The following TEF variants were observed in gnomAD, a reference collection of about 807,000 sequenced individuals.
TEF encodes the protein TEF transcription factor, PAR bZIP family member, also known as thyrotroph embryonic factor.
A neutral mutation model predicts 20.8 loss-of-function variants in TEF; 3 were observed. The observed-to-expected ratio is 0.14, with a 90% confidence interval of 0.07 to 0.37. TEF has a LOEUF of 0.37. Ranked by LOEUF, TEF falls within the 10% of genes least tolerant of loss-of-function variation. TEF has a pLI of 1.00. For missense variants in TEF, 296 were observed against 397.9 expected, an observed-to-expected ratio of 0.74 and a Z score of 2.18; for synonymous variants, 180 against 171.1, an observed-to-expected ratio of 1.05 and a Z score of -0.41.
At chr22:41,387,294 TC>T (rs1198835770) in intron 1 of TEF, 56 bp from the exon 2 acceptor site, 3 of 1,585,046 alleles carry the variant, frequency 1.9e-6, no homozygotes, top group Non-Finnish European at 2.6e-6. Context: ...ACTGCCCACT[TC>T]CTGGGATTGA....
At chr22:41,387,237 G>T in intron 1 of TEF, 114 bp from the exon 2 acceptor site, 1 of 1,136,558 alleles carries the variant, frequency 8.8e-7, no homozygotes, top group Non-Finnish European at 1.3e-6. Flanking sequence ...GAAATGCATG[G>T]GTTGGAATCG....
chr22:41,371,290 G>A (rs1249630043), intron 1 of TEF, among the ~76,000 whole-genome samples: 1 of 152,240 alleles, frequency 6.6e-6, no homozygotes, highest in Non-Finnish European at 1.5e-5. Flanking sequence ...TCCGTTTCAG[G>A]GAGTTGTGAA....
chr22:41,374,132 G>A (rs1375742545), intron 1 of TEF, among the ~76,000 whole-genome samples: 1 of 152,226 alleles, frequency 6.6e-6, no homozygotes, highest in South Asian at 2.1e-4. Context: ...ATGGCCGGGC[G>A]CAGTGGCTCA....
intron 3 of TEF, among the ~76,000 whole-genome samples, chr22:41,395,078 C>T (rs533476465): frequency 6.6e-6 from 1 of 152,290 alleles, no homozygotes; most frequent in South Asian, 2.1e-4. Context: ...GTGATCTCGG[C>T]TCACTGCAAC....
rs2037260736 is a variant in TEF at position 41,398,823 on chromosome 22, C to T, written c.*2863C>T. The stretch of plus-strand genomic sequence containing the variant: ...CATGCAAGCCAGTGGGGGAAAACCC[C>T]TCTGAAGCTGGGCAGCCCTCTACCT... On this transcript the variant is annotated 3_prime_UTR_variant, in exon 4 of 4. Coordinates refer to ENST00000266304, the MANE Select transcript of TEF (RefSeq NM_003216.4). 1 of 152,526 alleles carries T rather than the reference C, an allele frequency of 6.6e-6. No homozygotes were observed. The highest frequency in any genetic ancestry group is 1.5e-5 in the Non-Finnish European group (1 of 68,076). The allele number at this position is 152,526 out of a possible 1,614,324, so 9.4% of individuals were successfully genotyped here. A position where few individuals can be genotyped will look rare whatever the true frequency, so the allele number is the denominator to read the frequency against.
chr22:41,371,262 T>C (rs924487765), intron 1 of TEF, among the ~76,000 whole-genome samples: 7 of 152,238 alleles, frequency 4.6e-5, no homozygotes, highest in African/African-American at 4.8e-5. Context: ...TTTCTTGCCA[T>C]CTCCGGTCAC....
upstream of TEF, among the ~76,000 whole-genome samples, chr22:41,381,092 T>C (rs113171669): frequency 6.6e-6 from 1 of 152,174 alleles, no homozygotes; most frequent in South Asian, 2.1e-4. Flanking sequence ...TCCACGCTAG[T>C]GTTGATCTGG....
intron 2 of TEF, among the ~76,000 whole-genome samples, chr22:41,389,998 T>C (rs1247749785): frequency 2.0e-5 from 3 of 151,882 alleles, no homozygotes; most frequent in African/African-American, 4.8e-5. Context: ...CTCCTGGGTT[T>C]AAGCGATTCT....
At chr22:41,370,952 G>A (rs966461519) in intron 1 of TEF, among the ~76,000 whole-genome samples, 1 of 152,172 alleles carries the variant, frequency 6.6e-6, no homozygotes, top group Non-Finnish European at 1.5e-5. Flanking sequence ...TCTTTTGGCA[G>A]AGAAATCCAT....
chr22:41,384,991 G>A (rs1285617511), intron 1 of TEF, among the ~76,000 whole-genome samples: 1 of 152,078 alleles, frequency 6.6e-6, no homozygotes, highest in Non-Finnish European at 1.5e-5. Flanking sequence ...CTGACCTCAG[G>A]TGATTTGCCC....
At chr22:41,377,619 GAACAT>G (rs1280546333), upstream of TEF, among the ~76,000 whole-genome samples, 1 of 152,218 alleles carries the variant, frequency 6.6e-6, no homozygotes, top group Non-Finnish European at 1.5e-5. Context: ...ATGAAGAGGA[GAACAT>G]AATAGCTCCC....
intron 1 of TEF, among the ~76,000 whole-genome samples, chr22:41,386,002 T>C (rs564519704): frequency 1.3e-5 from 2 of 151,512 alleles, no homozygotes; most frequent in East Asian, 4.0e-4. Context: ...AATTTTTGTA[T>C]TTTTAGGAGA....
intron 2 of TEF, among the ~76,000 whole-genome samples, chr22:41,390,966 C>G (rs574762104): frequency 6.6e-6 from 1 of 152,254 alleles, no homozygotes; most frequent in South Asian, 2.1e-4. Flanking sequence ...TGCTGAAGGG[C>G]ACCCAGGCAT....
chr22:41,395,563 C>T (rs1042000158), intron 3 of TEF, among the ~76,000 whole-genome samples, 182 bp from the exon 4 acceptor site: 1 of 152,106 alleles, frequency 6.6e-6, no homozygotes, highest in Non-Finnish European at 1.5e-5. Flanking sequence ...TGTTTCTCGT[C>T]CTGCCCCCGA....
intron 1 of TEF, chr22:41,370,210 GT>G (rs1000124450): frequency 1.7e-6 from 1 of 588,238 alleles, no homozygotes; most frequent in African/African-American, 2.0e-5. Context: ...TGCCTCCTGG[GT>G]TCAAGCAATT....
upstream of TEF, among the ~76,000 whole-genome samples, chr22:41,378,844 C>T (rs988173240): frequency 3.9e-5 from 6 of 152,130 alleles, no homozygotes; most frequent in African/African-American, 9.7e-5. Context: ...GTTTAAGTTT[C>T]GCCACACACA....
At chr22:41,389,262 G>T (rs752394265) in intron 2 of TEF, among the ~76,000 whole-genome samples, 1 of 152,092 alleles carries the variant, frequency 6.6e-6, no homozygotes, top group African/African-American at 2.4e-5. Flanking sequence ...TTAGCCGGGT[G>T]TGGTGGCGGG....
upstream of TEF, among the ~76,000 whole-genome samples, chr22:41,380,140 G>A (rs2036997683): frequency 6.6e-6 from 1 of 151,756 alleles, no homozygotes; most frequent in Non-Finnish European, 1.5e-5. Flanking sequence ...TTACCCCGCC[G>A]CAAAATTATT....
upstream of TEF, among the ~76,000 whole-genome samples, chr22:41,379,820 G>A (rs1601815755): frequency 6.7e-6 from 1 of 150,134 alleles, no homozygotes; most frequent in East Asian, 2.0e-4. Context: ...TTGAACCTGG[G>A]AGGCGGAGGT....
Sources: gnomAD v4.1 joint callset for allele counts (sites outside exome capture counted in the v4.1 genomes callset) on GRCh38, gnomAD v4.1.1 for gene constraint, MANE v1.5 for transcripts, NCBI Gene and HGNC (gene_info 2026-07-23, HGNC 2026-07-21) for gene names.